The following ABLIM3 variants were observed in gnomAD, a reference collection of about 807,000 sequenced individuals.
ABLIM3 encodes the protein actin binding LIM protein family member 3.
A neutral mutation model predicts 109.5 loss-of-function variants in ABLIM3; 61 were observed. The observed-to-expected ratio is 0.56, with a 90% confidence interval of 0.45 to 0.69. ABLIM3 has a LOEUF of 0.69. Ranked by LOEUF, ABLIM3 falls within the 30% of genes least tolerant of loss-of-function variation. The pLI is 0.00. For synonymous variants in ABLIM3, 300 were observed against 324.8 expected, an observed-to-expected ratio of 0.92 and a Z score of 0.82; for missense variants, 796 against 889.5, an observed-to-expected ratio of 0.89 and a Z score of 1.34.
At chr5:149,256,700 C>T (rs1054430900) in intron 23 of ABLIM3, among the ~76,000 whole-genome samples, 1 of 152,218 alleles carries the variant, frequency 6.6e-6, no homozygotes, top group African/African-American at 2.4e-5. Context: ...TGAACTGACA[C>T]AATGTCTAGG....
intron 2 of ABLIM3, among the ~76,000 whole-genome samples, chr5:149,161,318 A>G (rs1308697106): frequency 1.3e-5 from 2 of 152,190 alleles, no homozygotes; most frequent in African/African-American, 2.4e-5. Flanking sequence ...TGATCCGGGA[A>G]AGACTTAGGG....
chr5:149,149,785 C>T (rs1753261692), intron 2 of ABLIM3, among the ~76,000 whole-genome samples: 1 of 152,186 alleles, frequency 6.6e-6, no homozygotes, highest in Non-Finnish European at 1.5e-5. Context: ...AATGGAAGGA[C>T]TCTTCACAAG....
chr5:149,243,517 T>C (rs1412521481), intron 15 of ABLIM3: 1 of 152,126 alleles, frequency 6.6e-6, no homozygotes, highest in Non-Finnish European at 1.5e-5. Context: ...CTGAACTAAT[T>C]AGCTGGTGGA....
At chr5:149,250,835 G>A (rs893936925) in intron 20 of ABLIM3, among the ~76,000 whole-genome samples, 1 of 152,200 alleles carries the variant, frequency 6.6e-6, no homozygotes, top group Non-Finnish European at 1.5e-5. Flanking sequence ...TGTGCATGCA[G>A]AAAGGCACAG....
intron 2 of ABLIM3, among the ~76,000 whole-genome samples, chr5:149,151,781 A>T (rs1753456252): frequency 6.6e-6 from 1 of 152,246 alleles, no homozygotes; most frequent in Admixed American, 6.5e-5. Flanking sequence ...GAAGTTAGTC[A>T]TGACATTCGT....
intron 8 of ABLIM3, among the ~76,000 whole-genome samples, chr5:149,228,240 C>T (rs1397555671): frequency 3.3e-5 from 5 of 152,274 alleles, no homozygotes; most frequent in African/African-American, 1.2e-4. Flanking sequence ...TTCTACAAAA[C>T]AAATGAATGC....
At chr5:149,184,733 G>A (rs953782805) in intron 3 of ABLIM3, among the ~76,000 whole-genome samples, 6 of 152,136 alleles carry the variant, frequency 3.9e-5, no homozygotes, top group African/African-American at 9.7e-5. Context: ...ATTTAAAGTC[G>A]GTTGAAACCC....
intron 2 of ABLIM3, among the ~76,000 whole-genome samples, chr5:149,179,607 C>T (rs1427930622): frequency 2.6e-5 from 4 of 151,250 alleles, no homozygotes; most frequent in Non-Finnish European, 5.9e-5. Flanking sequence ...TTAATTTGTA[C>T]ATTTTTTTTT....
intron 2 of ABLIM3, among the ~76,000 whole-genome samples, chr5:149,143,187 A>AC (rs1373507849): frequency 2.6e-5 from 4 of 151,536 alleles, no homozygotes; most frequent in Admixed American, 6.6e-5. Flanking sequence ...ACATGATGAA[A>AC]CCCCGTCTCT....
intron 15 of ABLIM3, chr5:149,243,654 G>A (rs10073851): frequency 0.48 from 73,603 of 152,076 alleles, 18,123 homozygotes; most frequent in East Asian, 0.56. Context: ...GTGCAAGTCT[G>A]TACCAGCTTG....
In ABLIM3 at chr5:149,142,032, G is replaced by C; in HGVS notation, c.-64G>C. 4 of 1,613,532 alleles carry C rather than the reference G, an allele frequency of 2.5e-6. No homozygotes were observed. The highest frequency in any genetic ancestry group is 1.1e-5 in the South Asian group (1 of 91,072). On this transcript the variant is annotated 5_prime_UTR_variant, in exon 2 of 24. Coordinates refer to ENST00000309868, the MANE Select transcript of ABLIM3 (RefSeq NM_014945.5). ...AGGTGATGAGTGAGGTTCGAAGAAC[G>C]GAAGATTTAAAAAGCAGCCGGGGCC...
rs967124411 is a variant in ABLIM3 at position 149,198,970 on chromosome 5, T to C, written c.335+568T>C. 2 of 436,520 alleles carry C rather than the reference T, an allele frequency of 4.6e-6. No individual in the cohort carries two copies. Among genetic ancestry groups the C allele is most frequent in the Admixed American group, 4.9e-5 (2 of 40,724 alleles). The allele number at this position is 436,520 out of a possible 1,614,324, so 27.0% of individuals were successfully genotyped here. A position where few individuals can be genotyped will look rare whatever the true frequency, so the allele number is the denominator to read the frequency against. On this transcript the variant is annotated intron_variant, in intron 4 of 23. Coordinates refer to ENST00000309868, the MANE Select transcript of ABLIM3 (RefSeq NM_014945.5). The surrounding 1 kb of genome is among the most constrained non-coding windows in gnomAD (Gnocchi z 4.2). ...TGATGATGCAAAGGCATTAGCTCAG[T>C]GATCAGTATGTGAGAGTGTCTGTTT...
chr5:149,141,867 CT>C, intron 1 of ABLIM3, 141 bp from the exon 2 acceptor site: 1 of 607,142 alleles, frequency 1.6e-6, no homozygotes. Flanking sequence ...CTGCCGCCTC[CT>C]TCTCCTTGCT....
intron 3 of ABLIM3, among the ~76,000 whole-genome samples, chr5:149,194,586 C>T (rs1355469830): frequency 2.6e-5 from 4 of 152,214 alleles, no homozygotes; most frequent in Non-Finnish European, 4.4e-5. Context: ...CAGTGGAATA[C>T]AGCACAGCAG....
chr5:149,234,349 G>A (rs1328382291), intron 10 of ABLIM3, among the ~76,000 whole-genome samples: 10 of 152,192 alleles, frequency 6.6e-5, no homozygotes, highest in Admixed American at 5.2e-4. Context: ...AGCCAAAGGA[G>A]CCAAGAAGAC....
chr5:149,194,924 T>C (rs1216741341), intron 3 of ABLIM3, among the ~76,000 whole-genome samples: 6 of 152,216 alleles, frequency 3.9e-5, no homozygotes, highest in Admixed American at 3.3e-4. Flanking sequence ...ATTATTCTTC[T>C]TTAAACCATA....
intron 8 of ABLIM3, among the ~76,000 whole-genome samples, chr5:149,222,817 G>A (rs1214589239): frequency 6.6e-6 from 1 of 151,946 alleles, no homozygotes; most frequent in Non-Finnish European, 1.5e-5. Flanking sequence ...GTTGTGGAAC[G>A]CCAGCCCTCA....
At chr5:149,161,665 C>G (rs1207028606) in intron 2 of ABLIM3, among the ~76,000 whole-genome samples, 2 of 152,130 alleles carry the variant, frequency 1.3e-5, no homozygotes, top group African/African-American at 4.8e-5. Context: ...AGAGGCTGAG[C>G]AAGTGAAAAT....
intron 8 of ABLIM3, among the ~76,000 whole-genome samples, chr5:149,225,982 GTATATATATA>G (rs58844908): frequency 0.085 from 3,785 of 44,642 alleles, 105 homozygotes; most frequent in African/African-American, 0.19. Flanking sequence ...GTGTGTGTGT[GTATATATATA>G]TATATATATA....
Sources: allele counts gnomAD v4.1 joint callset (sites outside exome capture counted in the v4.1 genomes callset), GRCh38; gene constraint gnomAD v4.1.1; non-coding constraint Gnocchi (gnomAD v3.1); transcripts MANE v1.5; gene names NCBI Gene and HGNC (gene_info 2026-07-23, HGNC 2026-07-21).